The following SGCZ variants were observed in gnomAD, a reference collection of about 807,000 sequenced individuals.
SGCZ encodes the protein sarcoglycan zeta.
SGCZ carries 40 observed loss-of-function variants against 41.3 expected under a neutral mutation model. The observed-to-expected ratio is 0.97, with a 90% CI of 0.75 to 1.26. The LOEUF (loss-of-function observed/expected upper bound fraction) is 1.26. SGCZ is among the 50% of genes most tolerant of loss of function. The pLI is 0.00. For synonymous variants in SGCZ, 206 were observed against 137.5 expected (o/e 1.50, Z -3.49); for missense variants, 552 against 369.8 (o/e 1.49, Z -4.04).
intron 1 of SGCZ, among the ~76,000 whole-genome samples, chr8:14,695,688 T>C (rs1808936315): frequency 6.7e-6 from 1 of 150,100 alleles, no homozygotes; most frequent in Non-Finnish European, 1.5e-5. Flanking sequence ...AAATTAAACA[T>C]GCACACGCAC....
intron 2 of SGCZ, among the ~76,000 whole-genome samples, chr8:14,538,441 C>T (rs113204163): frequency 3.3e-5 from 5 of 151,826 alleles, no homozygotes; most frequent in African/African-American, 1.2e-4. Flanking sequence ...ATTCTAGATG[C>T]CATGGGTGAA....
chr8:15,184,111 A>T (rs1289720275), intron 1 of SGCZ, among the ~76,000 whole-genome samples: 11 of 152,174 alleles, frequency 7.2e-5, no homozygotes, highest in African/African-American at 2.7e-4. Context: ...CATTTTCTGT[A>T]ACTTCTGCAA....
rs954794751 is a variant in SGCZ, at chr8:14,773,921, G to A, written c.40-218995C>T. 5.3e-5 allele frequency among the ~76,000 whole-genome samples: 8 copies of A among 152,134 alleles called. 1 individual carries two copies. Among genetic ancestry groups the A allele is most frequent in the Non-Finnish European group, 1.0e-4 (7 of 68,032 alleles). On this transcript the variant is annotated intron_variant, in intron 1 of 7. Coordinates refer to ENST00000382080, the MANE Select transcript of SGCZ (RefSeq NM_139167.4). The stretch of plus-strand genomic sequence containing the variant: ...TGTTTTTAAATTTTATTTTTTCACA[G>A]GCAATTATTTTTTATCTGGTCATAG...
intron 4 of SGCZ, among the ~76,000 whole-genome samples, chr8:14,197,300 G>A (rs545871054): frequency 2.6e-5 from 4 of 152,120 alleles, no homozygotes; most frequent in East Asian, 1.9e-4. Context: ...ATTGTGACAC[G>A]AATGTTACTC....
At chr8:14,901,025 T>C (rs1032619572) in intron 1 of SGCZ, among the ~76,000 whole-genome samples, 2 of 152,196 alleles carry the variant, frequency 1.3e-5, no homozygotes, top group South Asian at 4.1e-4. Flanking sequence ...AATACCAAGA[T>C]ATTCTAATAA....
At chr8:14,564,161 G>A (rs1014574676) in intron 1 of SGCZ, among the ~76,000 whole-genome samples, 1 of 152,108 alleles carries the variant, frequency 6.6e-6, no homozygotes, top group Non-Finnish European at 1.5e-5. Context: ...TGATGATGAA[G>A]CTAGCATTTG....
chr8:15,163,104 C>T (rs1003788432), intron 1 of SGCZ, among the ~76,000 whole-genome samples: 3 of 152,228 alleles, frequency 2.0e-5, no homozygotes, highest in Admixed American at 1.3e-4. Context: ...TTGTTATACA[C>T]ATGTGTTTGC....
chr8:14,148,533 A>ATAAT (rs916766553), intron 5 of SGCZ, among the ~76,000 whole-genome samples: 1 of 152,056 alleles, frequency 6.6e-6, no homozygotes, highest in Admixed American at 6.5e-5. Flanking sequence ...GATCAAAGGC[A>ATAAT]TAATAAAAAA....
At chr8:14,926,728 A>G (rs1256937601) in intron 1 of SGCZ, among the ~76,000 whole-genome samples, 5 of 151,588 alleles carry the variant, frequency 3.3e-5, no homozygotes, top group Admixed American at 2.0e-4. Context: ...GCAACCTCCA[A>G]CTCTCTGGTT....
intron 4 of SGCZ, among the ~76,000 whole-genome samples, chr8:14,208,519 G>A (rs946573490): frequency 1.3e-5 from 2 of 152,134 alleles, no homozygotes; most frequent in Non-Finnish European, 1.5e-5. Context: ...ATTAACAATT[G>A]AAACATGAAA....
In SGCZ at chr8:14,356,524, A is replaced by T. The variant is rs147237462; in HGVS notation, c.235-32320T>A. 3.3e-5 allele frequency among the ~76,000 whole-genome samples: 5 copies of T among 152,308 alleles called. No homozygotes were observed. The East Asian group carries it at 9.7e-4, about 29-fold the overall frequency. On this transcript the variant is annotated intron_variant, in intron 2 of 7. Coordinates refer to ENST00000382080, the MANE Select transcript of SGCZ (RefSeq NM_139167.4). ...ACTAAAATGTCTTCAAGAATAAAGT[A>T]GAACTTGTTTAACAAAATGTGTGAT...
At chr8:14,836,264 C>T (rs1417059495) in intron 1 of SGCZ, among the ~76,000 whole-genome samples, 1 of 152,152 alleles carries the variant, frequency 6.6e-6, no homozygotes, top group Non-Finnish European at 1.5e-5. Context: ...TTGAGTGAAT[C>T]ACTTATGCTG....
intron 2 of SGCZ, among the ~76,000 whole-genome samples, chr8:14,458,383 G>A (rs1200526765): frequency 1.3e-5 from 2 of 152,144 alleles, no homozygotes; most frequent in Non-Finnish European, 2.9e-5. Flanking sequence ...TTGAACTCCA[G>A]TAAGTAAAGT....
At chr8:14,757,601 T>C (rs914665395) in intron 1 of SGCZ, among the ~76,000 whole-genome samples, 3 of 152,132 alleles carry the variant, frequency 2.0e-5, no homozygotes, top group African/African-American at 4.8e-5. Flanking sequence ...AGAAATAACT[T>C]GCCAGATCAA....
chr8:14,208,360 C>G (rs1369149219), intron 4 of SGCZ, among the ~76,000 whole-genome samples: 1 of 152,144 alleles, frequency 6.6e-6, no homozygotes, highest in African/African-American at 2.4e-5. Flanking sequence ...AAGACATTCA[C>G]AAGGTAGTAA....
intron 1 of SGCZ, among the ~76,000 whole-genome samples, chr8:14,556,533 A>T (rs1412801512): frequency 1.3e-5 from 2 of 151,918 alleles, no homozygotes; most frequent in Non-Finnish European, 2.9e-5. Context: ...TTATGCATCC[A>T]TCACCTCAGC....
intron 1 of SGCZ, among the ~76,000 whole-genome samples, chr8:14,973,266 C>T (rs1056084409): frequency 6.6e-5 from 10 of 152,022 alleles, no homozygotes; most frequent in African/African-American, 1.9e-4. Context: ...AAGATAGTAC[C>T]CCATCATCTC....
chr8:15,116,919 T>C (rs557320459), intron 1 of SGCZ, among the ~76,000 whole-genome samples: 1 of 152,370 alleles, frequency 6.6e-6, no homozygotes, highest in Admixed American at 6.5e-5. Flanking sequence ...GGATATAAAC[T>C]GTATAACTTT....
At chr8:15,031,109 CAG>C (rs1394204210) in intron 1 of SGCZ, among the ~76,000 whole-genome samples, 2 of 152,050 alleles carry the variant, frequency 1.3e-5, no homozygotes, top group East Asian at 1.9e-4. Context: ...AGTATTAGAA[CAG>C]AGTTTCATAA....
Sources: gnomAD v4.1 joint callset for allele counts (sites outside exome capture counted in the v4.1 genomes callset) on GRCh38, gnomAD v4.1.1 for gene constraint, MANE v1.5 for transcripts, NCBI Gene and HGNC (gene_info 2026-07-23, HGNC 2026-07-21) for gene names.